ARHGAP15: variants seen among roughly 807,000 people sequenced by gnomAD.
ARHGAP15 encodes the protein rho GTPase-activating protein 15.
In ARHGAP15, 51 loss-of-function variants were observed where a neutral mutation model predicts 63.7. That is an observed-to-expected ratio of 0.80 (90% CI 0.64 to 1.01). The LOEUF (loss-of-function observed/expected upper bound fraction) is 1.01, where lower values mean the gene tolerates loss of function less well. ARHGAP15 is among the 50% of genes least tolerant of loss of function. The probability of loss-of-function intolerance (pLI) is 0.00; values close to 1 mark genes in which losing one functional copy is unlikely to be tolerated. For synonymous variants in ARHGAP15, 191 were observed against 193.8 expected (o/e 0.99, Z 0.12); for missense variants, 560 against 564.6 (o/e 0.99, Z 0.08).
At chr2:143,160,818 C>T (rs938194578) in intron 2 of ARHGAP15, among the ~76,000 whole-genome samples, 1 of 151,868 alleles carries the variant, frequency 6.6e-6, no homozygotes, top group Non-Finnish European at 1.5e-5. Flanking sequence ...CTCTATTTAC[C>T]AAGCACAAAT....
chr2:143,257,135 C>G (rs1257220374), intron 6 of ARHGAP15, among the ~76,000 whole-genome samples: 1 of 152,038 alleles, frequency 6.6e-6, no homozygotes, highest in Non-Finnish European at 1.5e-5. Flanking sequence ...CCTGGGTGAT[C>G]CCGTGAAACT....
intron 3 of ARHGAP15, among the ~76,000 whole-genome samples, chr2:143,211,283 T>C (rs1437718597): frequency 7.4e-6 from 1 of 134,840 alleles, no homozygotes; most frequent in Admixed American, 8.7e-5. Flanking sequence ...ATAAAAGCAA[T>C]AGAAAAAAGA....
At chr2:143,565,963 G>A (rs1169419443) in intron 11 of ARHGAP15, among the ~76,000 whole-genome samples, 1 of 152,114 alleles carries the variant, frequency 6.6e-6, no homozygotes, top group Non-Finnish European at 1.5e-5. Flanking sequence ...TATTTATATA[G>A]CACCTCTTTT....
At chr2:143,235,896 C>T in intron 5 of ARHGAP15, 1 of 1,520,430 alleles carries the variant, frequency 6.6e-7, no homozygotes, top group South Asian at 1.3e-5. Context: ...GACTCTAGCA[C>T]TTCATTTGCA....
chr2:143,342,904 CT>C (rs35856257), intron 6 of ARHGAP15, among the ~76,000 whole-genome samples: 29,454 of 151,902 alleles, frequency 0.19, 3,169 homozygotes, highest in Admixed American at 0.31. Flanking sequence ...TTGTTTTAAT[CT>C]TTTTTTGTAA....
chr2:143,463,780 C>T (rs1212028387), intron 8 of ARHGAP15, among the ~76,000 whole-genome samples: 2 of 152,020 alleles, frequency 1.3e-5, no homozygotes, highest in African/African-American at 2.4e-5. Flanking sequence ...ACTTTAATTT[C>T]CTCTAAAAAT....
chr2:143,172,654 T>C (rs1690835444), intron 2 of ARHGAP15, among the ~76,000 whole-genome samples: 1 of 151,902 alleles, frequency 6.6e-6, no homozygotes, highest in African/African-American at 2.4e-5. Flanking sequence ...AGAGTCAAGA[T>C]GGAGAAACTG....
chr2:143,500,079 T>TA (rs1195116706), intron 9 of ARHGAP15, among the ~76,000 whole-genome samples: 2 of 151,976 alleles, frequency 1.3e-5, no homozygotes, highest in East Asian at 3.9e-4. Context: ...GAAAAAGAAA[T>TA]ATCTGTTTAT....
intron 9 of ARHGAP15, among the ~76,000 whole-genome samples, chr2:143,509,953 A>G (rs6742149): frequency 0.098 from 14,243 of 145,016 alleles, 822 homozygotes; most frequent in Middle Eastern, 0.11. Flanking sequence ...CCAGGGAGTC[A>G]GAGGTGTAGT....
chr2:143,466,622 T>G (rs1194468910), intron 8 of ARHGAP15, among the ~76,000 whole-genome samples: 1 of 152,124 alleles, frequency 6.6e-6, no homozygotes. Context: ...GGAGCTATTC[T>G]CTGGGTAATT....
At chr2:143,701,663 G>A (rs190875883) in intron 12 of ARHGAP15, among the ~76,000 whole-genome samples, 3 of 152,260 alleles carry the variant, frequency 2.0e-5, no homozygotes, top group Admixed American at 6.5e-5. Flanking sequence ...CCCAGGAGTT[G>A]AGACTGCAGT....
chr2:143,171,713 G>A (rs1259777483), intron 2 of ARHGAP15, among the ~76,000 whole-genome samples: 1 of 151,980 alleles, frequency 6.6e-6, no homozygotes, highest in Non-Finnish European at 1.5e-5. Context: ...AAAGGAATCC[G>A]TCCACCCCTA....
At chr2:143,444,924 T>A (rs898619853) in intron 8 of ARHGAP15, among the ~76,000 whole-genome samples, 1 of 152,148 alleles carries the variant, frequency 6.6e-6, no homozygotes, top group African/African-American at 2.4e-5. Context: ...TAAAGCAATC[T>A]GCCAATACAT....
At chr2:143,537,781 G>A (rs1478930434) in intron 10 of ARHGAP15, among the ~76,000 whole-genome samples, 1 of 152,112 alleles carries the variant, frequency 6.6e-6, no homozygotes, top group Admixed American at 6.5e-5. Flanking sequence ...GGTTACTGTA[G>A]CCTTGTAGTG....
intron 6 of ARHGAP15, among the ~76,000 whole-genome samples, chr2:143,411,851 C>A (rs535379142): frequency 6.0e-4 from 91 of 152,248 alleles, no homozygotes; most frequent in South Asian, 8.3e-4. Flanking sequence ...TACTCTCTTA[C>A]CTTTTATACC....
intron 12 of ARHGAP15, among the ~76,000 whole-genome samples, chr2:143,636,826 A>G (rs1195326982): frequency 6.6e-6 from 1 of 152,094 alleles, no homozygotes; most frequent in Non-Finnish European, 1.5e-5. Flanking sequence ...TCAGGAAGCT[A>G]TAGCAAAATA....
At position 143,445,310 on chromosome 2, in the gene ARHGAP15, G is replaced by C. The variant is rs189956188; in HGVS notation, c.703+8268G>C. ...CTAGTAGCTGGGACTACAGGCTCGGGCAACACCACGCCTGGCTAATTTTTG... is the reference window on the plus strand; with the variant it reads ...CTAGTAGCTGGGACTACAGGCTCGGCCAACACCACGCCTGGCTAATTTTTG... On this transcript the variant is annotated intron_variant, in intron 8 of 13. Transcript: ENST00000295095. Among the ~76,000 whole-genome samples the C allele has an allele frequency of 1.9e-3, 294 of 151,650 alleles. 1 individual carries two copies. The highest frequency in any genetic ancestry group is 6.8e-3 in the African/African-American group (282 of 41,312).
chr2:143,677,054 TTATGG>T (rs1215299162), intron 12 of ARHGAP15, among the ~76,000 whole-genome samples: 1 of 152,254 alleles, frequency 6.6e-6, no homozygotes, highest in Non-Finnish European at 1.5e-5. Context: ...GAAAGACCAT[TTATGG>T]TATGTTTCAG....
chr2:143,624,370 T>G (rs1371055020), intron 12 of ARHGAP15, 103 bp downstream of exon 12: 1 of 1,324,472 alleles, frequency 7.6e-7, no homozygotes, highest in African/African-American at 1.5e-5. Flanking sequence ...GGGGAACAGA[T>G]AGTATCCCCG....
Sources: gnomAD v4.1 joint callset for allele counts (sites outside exome capture counted in the v4.1 genomes callset) on GRCh38, gnomAD v4.1.1 for gene constraint, MANE v1.5 for transcripts, NCBI Gene and HGNC (gene_info 2026-07-23, HGNC 2026-07-21) for gene names.